The following ZNF804B variants were observed in gnomAD, a reference collection of about 807,000 sequenced individuals.
The protein encoded by ZNF804B is zinc finger 804B.
Under a neutral mutation model 101.4 loss-of-function variants are expected in ZNF804B, and 80 were observed. The observed-to-expected ratio is 0.79, with a 90% CI of 0.66 to 0.95. The LOEUF is 0.95. ZNF804B is among the 40% of genes least tolerant of loss of function. ZNF804B has a pLI of 0.00. For synonymous variants in ZNF804B, 622 were observed against 558.8 expected, an observed-to-expected ratio of 1.11 and a Z score of -1.59; for missense variants, 1,673 against 1,561.9, an observed-to-expected ratio of 1.07 and a Z score of -1.20.
At chr7:89,210,974 TC>T (rs1448492239) in intron 1 of ZNF804B, among the ~76,000 whole-genome samples, 1 of 152,214 alleles carries the variant, frequency 6.6e-6, no homozygotes, top group Non-Finnish European at 1.5e-5. Flanking sequence ...GTAAAAGTAT[TC>T]CTATTTCTCT....
At chr7:88,985,065 G>A (rs1435160630) in intron 1 of ZNF804B, among the ~76,000 whole-genome samples, 1 of 151,858 alleles carries the variant, frequency 6.6e-6, no homozygotes, top group Non-Finnish European at 1.5e-5. Context: ...AATATCTAAG[G>A]TCTTATGATA....
intron 1 of ZNF804B, among the ~76,000 whole-genome samples, chr7:89,014,833 G>A (rs1170032480): frequency 6.6e-6 from 1 of 152,066 alleles, no homozygotes; most frequent in Non-Finnish European, 1.5e-5. Context: ...TGTTTGCTTT[G>A]TTGTGCAGAA....
At chr7:89,066,652 G>A (rs140790758) in intron 1 of ZNF804B, among the ~76,000 whole-genome samples, 83 of 152,098 alleles carry the variant, frequency 5.5e-4, no homozygotes, top group South Asian at 3.9e-3. Flanking sequence ...GTCATCTGGC[G>A]TAACAATTAA....
chr7:88,812,478 G>C (rs1790805172), intron 1 of ZNF804B, among the ~76,000 whole-genome samples: 1 of 152,146 alleles, frequency 6.6e-6, no homozygotes, highest in Non-Finnish European at 1.5e-5. Flanking sequence ...CACAAAAATA[G>C]ATTTACCAGA....
chr7:89,179,358 G>C (rs1383016318), intron 1 of ZNF804B, among the ~76,000 whole-genome samples: 1 of 148,698 alleles, frequency 6.7e-6, no homozygotes, highest in Admixed American at 6.7e-5. Flanking sequence ...TTCTTTTTTT[G>C]TCTCCTCCGA....
Position 89,333,613 on chromosome 7 carries a change from A to G in ZNF804B, c.631A>G (p.Ser211Gly). Residue 211 changes from serine to glycine, a missense_variant, in exon 4 of 4, where the codon AGC (serine) becomes GGC (glycine). Transcript: ENST00000333190. ...GGTACTGCAAACATCTTCAGATCTCAGCAATGCAAATCACAGAACAGGAGT... is the reference window on the plus strand; with the variant it reads ...GGTACTGCAAACATCTTCAGATCTCGGCAATGCAAATCACAGAACAGGAGT... ...NQVLQTSSDL[S>G]NANHRTGVSF... 1.2e-6 allele frequency: 2 copies of G among 1,613,688 alleles called. No homozygotes were observed. The highest frequency in any genetic ancestry group is 2.2e-5 in the East Asian group (1 of 44,864).
intron 1 of ZNF804B, among the ~76,000 whole-genome samples, chr7:88,959,224 T>A (rs780908204): frequency 6.6e-6 from 1 of 151,458 alleles, no homozygotes; most frequent in Non-Finnish European, 1.5e-5. Flanking sequence ...ATTGTCAGTG[T>A]TTATGGCAAG....
At chr7:88,769,924 T>C (rs1790037350) in intron 1 of ZNF804B, among the ~76,000 whole-genome samples, 1 of 152,172 alleles carries the variant, frequency 6.6e-6, no homozygotes, top group Non-Finnish European at 1.5e-5. Context: ...AAATTTTATC[T>C]AAAATATTTA....
Position 88,997,908 on chromosome 7 carries a change from G to A in ZNF804B, c.109-220247G>A, listed in dbSNP as rs563600637. On this transcript the variant is annotated intron_variant, in intron 1 of 3. Transcript: ENST00000333190. Reference sequence around the variant, plus strand: ...TGATCTATCCCTTTTCAGAATGCTAGTAACTTTTTTACTCTTTTGACATTC... The same window carrying A: ...TGATCTATCCCTTTTCAGAATGCTAATAACTTTTTTACTCTTTTGACATTC... 1.5e-3 allele frequency among the ~76,000 whole-genome samples: 225 copies of A among 152,118 alleles called. 2 individuals carry two copies. The highest frequency in any genetic ancestry group is 5.0e-3 in the African/African-American group (206 of 41,512).
rs143105791 is a variant in ZNF804B at position 89,047,570 on chromosome 7, G to A, written c.109-170585G>A. 3.3e-3 allele frequency among the ~76,000 whole-genome samples: 501 copies of A among 152,260 alleles called. 1 individual carries two copies. Among genetic ancestry groups the A allele is most frequent in the Non-Finnish European group, 4.7e-3 (319 of 68,014 alleles). ...GATACTTCAAGGGTGGGAAGAATAAGATAGTAATTTATGCTGAATGAGGTA... is the reference window on the plus strand; with the variant it reads ...GATACTTCAAGGGTGGGAAGAATAAAATAGTAATTTATGCTGAATGAGGTA... On this transcript the variant is annotated intron_variant, in intron 1 of 3. Transcript: ENST00000333190.
At chr7:89,321,704 TACAA>T (rs1339725034) in intron 2 of ZNF804B, among the ~76,000 whole-genome samples, 1 of 151,376 alleles carries the variant, frequency 6.6e-6, no homozygotes, top group Non-Finnish European at 1.5e-5. Flanking sequence ...TATACAGAAA[TACAA>T]ACATTGAAAT....
Position 89,333,298 on chromosome 7 carries a change from G to T in ZNF804B, c.381-65G>T, listed in dbSNP as rs985583879. On this transcript the variant is annotated intron_variant, in intron 3 of 3. Coordinates refer to ENST00000333190, the MANE Select transcript of ZNF804B (RefSeq NM_181646.5). Reference sequence around the variant, plus strand: ...ACTCATCTTAGAAACACTATGAAATGTTCATATGTAGATATGATTCCAAAG... The same window carrying T: ...ACTCATCTTAGAAACACTATGAAATTTTCATATGTAGATATGATTCCAAAG... 1.5e-5 allele frequency: 20 copies of T among 1,367,842 alleles called. No individual in the cohort carries two copies. In the African/African-American group the frequency reaches 2.8e-4, roughly 19 times the overall value. The allele number at this position is 1,367,842 out of a possible 1,614,324, so 84.7% of individuals were successfully genotyped here. A position where few individuals can be genotyped will look rare whatever the true frequency, so the allele number is the denominator to read the frequency against.
chr7:89,077,924 GCTC>G (rs1388699191), intron 1 of ZNF804B, among the ~76,000 whole-genome samples: 42 of 151,986 alleles, frequency 2.8e-4, no homozygotes, highest in African/African-American at 9.4e-4. Context: ...GAATTATTGT[GCTC>G]ACTCTTATTC....
At chr7:89,198,141 G>A (rs773394520) in intron 1 of ZNF804B, among the ~76,000 whole-genome samples, 33 of 151,746 alleles carry the variant, frequency 2.2e-4, no homozygotes, top group Admixed American at 9.9e-4. Flanking sequence ...TGCAATACTA[G>A]CTTGATCAAC....
At chr7:88,868,230 C>T (rs1791766270) in intron 1 of ZNF804B, among the ~76,000 whole-genome samples, 1 of 152,010 alleles carries the variant, frequency 6.6e-6, no homozygotes, top group South Asian at 2.1e-4. Flanking sequence ...CCTACTTTCC[C>T]CTTCCTTCTA....
At chr7:89,213,158 C>T (rs1788830441) in intron 1 of ZNF804B, among the ~76,000 whole-genome samples, 1 of 151,872 alleles carries the variant, frequency 6.6e-6, no homozygotes, top group Admixed American at 6.6e-5. Flanking sequence ...GTAAATGAAA[C>T]CTCCAAAGCA....
chr7:89,281,261 G>A (rs1790089759), intron 2 of ZNF804B, among the ~76,000 whole-genome samples: 3 of 152,086 alleles, frequency 2.0e-5, no homozygotes, highest in Admixed American at 2.0e-4. Flanking sequence ...TTGGCTCCCA[G>A]GGGAGAAAAA....
At chr7:88,930,150 A>G (rs939955764) in intron 1 of ZNF804B, among the ~76,000 whole-genome samples, 2 of 152,108 alleles carry the variant, frequency 1.3e-5, no homozygotes, top group East Asian at 1.9e-4. Flanking sequence ...ATGGGCACCT[A>G]TAATATTACC....
chr7:89,248,662 A>T (rs558125189), intron 2 of ZNF804B, among the ~76,000 whole-genome samples: 73 of 152,256 alleles, frequency 4.8e-4, no homozygotes, highest in African/African-American at 1.7e-3. Flanking sequence ...AAACAAAAGT[A>T]CAATACCTGC....
Sources: gnomAD v4.1 joint callset for allele counts (sites outside exome capture counted in the v4.1 genomes callset) on GRCh38, gnomAD v4.1.1 for gene constraint, MANE v1.5 for transcripts, NCBI Gene and HGNC (gene_info 2026-07-23, HGNC 2026-07-21) for gene names.